IGSF21: variants seen among roughly 807,000 people sequenced by gnomAD.
IGSF21 encodes the protein immunoglobin superfamily member 21.
A neutral mutation model predicts 46.8 loss-of-function variants in IGSF21; 28 were observed. That is an observed-to-expected ratio of 0.60 (90% CI 0.44 to 0.82). IGSF21 has a LOEUF of 0.82. Ranked by LOEUF, IGSF21 falls within the 40% of genes least tolerant of loss-of-function variation. IGSF21 has a pLI of 0.00. For synonymous variants in IGSF21, 284 were observed against 273.6 expected, an observed-to-expected ratio of 1.04 and a Z score of -0.38; for missense variants, 624 against 665.5, an observed-to-expected ratio of 0.94 and a Z score of 0.69.
intron 4 of IGSF21, among the ~76,000 whole-genome samples, chr1:18,352,564 C>G (rs952863282): frequency 7.9e-5 from 12 of 152,192 alleles, no homozygotes; most frequent in Non-Finnish European, 1.5e-5. Context: ...TAATACAAAT[C>G]TAGATCCAAC....
chr1:18,291,638 C>T (rs1352744883), intron 2 of IGSF21, among the ~76,000 whole-genome samples: 2 of 152,226 alleles, frequency 1.3e-5, no homozygotes. Flanking sequence ...TTGCTGTTCC[C>T]TTTGCCTAGA....
At position 18,335,476 on chromosome 1, in the gene IGSF21, T is replaced by C. The variant is rs542317807; in HGVS notation, c.424+466T>C. 6.6e-6 allele frequency among the ~76,000 whole-genome samples: 1 copy of C among 152,256 alleles called. No homozygotes were observed. The highest frequency in any genetic ancestry group is 2.4e-5 in the African/African-American group (1 of 41,566). ...CTCCCCATGCCTCCATTTATGCACA[T>C]GTAAAATGGAGGTAATAATACTGGT... On this transcript the variant is annotated intron_variant, in intron 4 of 9. Coordinates refer to ENST00000251296, the MANE Select transcript of IGSF21 (RefSeq NM_032880.5). This position sits in a 1 kb window ranked among gnomAD's most constrained non-coding sequence, Gnocchi z 4.8.
chr1:18,137,404 CT>C (rs1261912268), intron 1 of IGSF21, among the ~76,000 whole-genome samples: 2 of 152,334 alleles, frequency 1.3e-5, no homozygotes, highest in Non-Finnish European at 1.5e-5. Flanking sequence ...CCTGATCCCC[CT>C]GATCCCCCTA....
intron 1 of IGSF21, among the ~76,000 whole-genome samples, chr1:18,197,450 C>T (rs987535841): frequency 1.3e-5 from 2 of 152,218 alleles, no homozygotes; most frequent in African/African-American, 4.8e-5. Flanking sequence ...TTGGAAATCT[C>T]GCTCCATAAT....
At chr1:18,318,672 C>G (rs1037721990) in intron 3 of IGSF21, among the ~76,000 whole-genome samples, 2 of 152,166 alleles carry the variant, frequency 1.3e-5, no homozygotes, top group African/African-American at 4.8e-5. Flanking sequence ...CTTGCACACT[C>G]TCTCCTTTGG....
intron 1 of IGSF21, among the ~76,000 whole-genome samples, chr1:18,225,928 G>A (rs1358282020): frequency 1.3e-5 from 2 of 152,200 alleles, no homozygotes. Flanking sequence ...GTGTGATCTG[G>A]CAGGGGACTT....
chr1:18,121,635 C>T (rs1046638649), intron 1 of IGSF21, among the ~76,000 whole-genome samples: 2 of 152,192 alleles, frequency 1.3e-5, no homozygotes, highest in Non-Finnish European at 1.5e-5. Context: ...TGCCATCTGT[C>T]GGATCTGCCA....
In IGSF21 at chr1:18,253,732, T is replaced by G. The variant is rs2084864238; in HGVS notation, c.183+25722T>G. Among the ~76,000 whole-genome samples, 6 of 152,180 alleles carry G rather than the reference T, an allele frequency of 3.9e-5. 1 individual carries two copies. The South Asian group carries it at 1.2e-3, about 32-fold the overall frequency. ...GCAATGAAGCCTCTGGGAAACACCC[T>G]CTCTGCTTCCTCTGACAGGAACAAC... On this transcript the variant is annotated intron_variant, in intron 2 of 9. Coordinates refer to ENST00000251296, the MANE Select transcript of IGSF21 (RefSeq NM_032880.5).
intron 3 of IGSF21, among the ~76,000 whole-genome samples, chr1:18,293,720 C>T (rs1282165021): frequency 6.6e-6 from 1 of 152,142 alleles, no homozygotes; most frequent in Non-Finnish European, 1.5e-5. Flanking sequence ...AGTGAACTCC[C>T]AAATAATCTC....
At chr1:18,135,057 A>G (rs1416733595) in intron 1 of IGSF21, among the ~76,000 whole-genome samples, 1 of 152,156 alleles carries the variant, frequency 6.6e-6, no homozygotes, top group Non-Finnish European at 1.5e-5. Context: ...AGCTCCTGTT[A>G]CAGATGAGGA....
chr1:18,221,626 G>A (rs149046747), intron 1 of IGSF21, among the ~76,000 whole-genome samples: 93 of 152,254 alleles, frequency 6.1e-4, no homozygotes, highest in Admixed American at 1.4e-3. Flanking sequence ...TGGTGTAAAC[G>A]CTGTCAGAGA....
chr1:18,364,080 G>T (rs2086132861), intron 5 of IGSF21, among the ~76,000 whole-genome samples: 1 of 152,038 alleles, frequency 6.6e-6, no homozygotes, highest in South Asian at 2.1e-4. Context: ...GCTGTAGGAA[G>T]ACCCCTCCTA....
At chr1:18,173,306 G>A (rs905668870) in intron 1 of IGSF21, among the ~76,000 whole-genome samples, 2 of 152,064 alleles carry the variant, frequency 1.3e-5, no homozygotes, top group Admixed American at 6.6e-5. Context: ...AAACAACAAC[G>A]ACAAAAAATC....
chr1:18,341,076 TCTCCTCCTC>T (rs67935132), intron 4 of IGSF21, among the ~76,000 whole-genome samples: 19 of 98,366 alleles, frequency 1.9e-4, no homozygotes, highest in Non-Finnish European at 3.0e-4. Context: ...TTCTTCTTCT[TCTCCTCCTC>T]CTCCTCCTCC....
intron 1 of IGSF21, among the ~76,000 whole-genome samples, chr1:18,129,936 G>C (rs1395866571): frequency 2.0e-5 from 3 of 152,118 alleles, no homozygotes; most frequent in Non-Finnish European, 4.4e-5. Flanking sequence ...CTCGTCAGAT[G>C]CCAGCCTCTC....
At chr1:18,377,065 G>C (rs1367539830) in intron 8 of IGSF21, 73 bp downstream of exon 8, 1 of 1,489,434 alleles carries the variant, frequency 6.7e-7, no homozygotes, top group Non-Finnish European at 9.0e-7. Context: ...TTCCCCAGGA[G>C]GAAGAAGCAG....
rs1382843274 is a variant in IGSF21, at chr1:18,108,143, G to A, written c.15G>A (p.Pro5=). 8.3e-6 allele frequency: 12 copies of A among 1,439,162 alleles called. No individual in the cohort carries two copies. The highest frequency in any genetic ancestry group is 1.5e-5 in the African/African-American group (1 of 67,324). 89.1% of individuals were successfully genotyped at this position (1,439,162 alleles called of 1,614,324 possible). ...TCCCGGGCACCATGCGAACCGCCCC[G>A]AGCCTCCGCCGCTGCGTCTGCCTGC... The part of the protein sequence containing the change: MRTA[P]SLRRCVCLLL... The change falls in exon 1 of 10, where the codon CCG becomes CCA. Residue 5 remains proline, a synonymous_variant. Coordinates refer to ENST00000251296, the MANE Select transcript of IGSF21 (RefSeq NM_032880.5).
chr1:18,124,997 C>T (rs1473085462), intron 1 of IGSF21, among the ~76,000 whole-genome samples: 1 of 152,152 alleles, frequency 6.6e-6, no homozygotes, highest in Non-Finnish European at 1.5e-5. Context: ...CCAGCATCCC[C>T]TCCCTCTCCT....
intron 1 of IGSF21, among the ~76,000 whole-genome samples, chr1:18,156,107 G>A (rs983536786): frequency 2.6e-5 from 4 of 152,182 alleles, no homozygotes; most frequent in Non-Finnish European, 4.4e-5. Flanking sequence ...TCTATCCTGC[G>A]GGGAGGGCCT....
Sources: gnomAD v4.1 joint callset for allele counts (sites outside exome capture counted in the v4.1 genomes callset) on GRCh38, gnomAD v4.1.1 for gene constraint, Gnocchi (gnomAD v3.1) non-coding constraint, MANE v1.5 for transcripts, NCBI Gene and HGNC (gene_info 2026-07-23, HGNC 2026-07-21) for gene names.